The following PLEKHB2 variants were observed in gnomAD, a reference collection of about 807,000 sequenced individuals.
PLEKHB2 encodes pleckstrin homology domain-containing family B member 2.
Under a neutral mutation model 36.5 loss-of-function variants are expected in PLEKHB2, and 31 were observed. The ratio of observed to expected loss-of-function variants is 0.85; its 90% CI spans 0.64 to 1.15. The LOEUF is 1.15. Among genes scored for constraint, PLEKHB2 ranks in the 50% most tolerant of loss-of-function variants. The pLI, the probability that PLEKHB2 is intolerant of heterozygous loss-of-function variation, is 0.00. For missense variants in PLEKHB2, 262 were observed against 295.3 expected (o/e 0.89, Z 0.83); for synonymous variants, 119 against 112.0 (o/e 1.06, Z -0.39).
chr2:131,119,617 C>T (rs986112206), intron 1 of PLEKHB2, among the ~76,000 whole-genome samples: 13 of 152,208 alleles, frequency 8.5e-5, no homozygotes, highest in African/African-American at 3.1e-4. Context: ...GGTGAGATTG[C>T]TGGGGCAAAG....
At chr2:131,144,311 G>A (rs1006275815) in intron 7 of PLEKHB2, 11 of 434,010 alleles carry the variant, frequency 2.5e-5, no homozygotes, top group Admixed American at 4.4e-5. Flanking sequence ...GATTTAACCC[G>A]CTAGTGGGTG....
intron 1 of PLEKHB2, among the ~76,000 whole-genome samples, chr2:131,109,648 CCACTATACTCCAGCCTGGGCAA>C (rs1182361205): frequency 6.6e-6 from 1 of 152,036 alleles, no homozygotes; most frequent in African/African-American, 2.4e-5. Context: ...CAAGATCGCG[CCACTATACTCCAGCCTGGGCAA>C]CAAGAGCGAA....
At chr2:131,129,803 T>G (rs1319694111) in intron 4 of PLEKHB2, among the ~76,000 whole-genome samples, 1 of 150,254 alleles carries the variant, frequency 6.7e-6, no homozygotes, top group Non-Finnish European at 1.5e-5. Flanking sequence ...GCTTTTTGCC[T>G]ATGAATTAAG....
rs570296720 is a variant in PLEKHB2 at position 131,148,841 on chromosome 2, T to A, written c.*2068T>A. The A allele has an allele frequency of 2.0e-5, 3 of 152,340 alleles. No individual in the cohort carries two copies. The highest frequency in any genetic ancestry group is 6.8e-3 in the Middle Eastern group (2 of 294). The allele number at this position is 152,340 out of a possible 1,614,324, so 9.4% of individuals were successfully genotyped here. On this transcript the variant is annotated 3_prime_UTR_variant, in exon 8 of 8. Coordinates refer to ENST00000693505, the MANE Select transcript of PLEKHB2 (RefSeq NM_001100623.2). ...TATAAGAAGAATGGCTTTCTTCAGA[T>A]TATAATCGTTATTAAAGCTGTATGT... is the stretch of plus-strand genomic sequence containing the variant.
At position 131,146,662 on chromosome 2, in the gene PLEKHB2, C is replaced by T; in HGVS notation, c.558C>T (p.Asn186=). 1.2e-6 allele frequency: 2 copies of T among 1,613,504 alleles called. No individual in the cohort carries two copies. Among genetic ancestry groups the T allele is most frequent in the Middle Eastern group, 1.7e-4 (1 of 6,060 alleles). ...GACTTTATGGACAGCAGCCTGCTAA[C>T]CAAGTCATCATTCGAGAGCGCTATC... ...YAGLYGQQPA[N]QVIIRERYRD... is the part of the protein sequence containing the mutation. Residue 186 remains asparagine, a synonymous_variant, in exon 8 of 8, where the codon AAC becomes AAT. Coordinates refer to ENST00000693505, the MANE Select transcript of PLEKHB2 (RefSeq NM_001100623.2).
At chr2:131,119,687 C>T (rs1262792378) in intron 1 of PLEKHB2, among the ~76,000 whole-genome samples, 4 of 152,098 alleles carry the variant, frequency 2.6e-5, no homozygotes, top group Non-Finnish European at 5.9e-5. Flanking sequence ...AAGGTTGCAT[C>T]AGTTTTCTTT....
chr2:131,140,226 C>A lies in PLEKHB2; in HGVS notation c.483C>A (p.Tyr161Ter). 6.2e-7 allele frequency: 1 copy of A among 1,613,586 alleles called. No homozygotes were observed. Among genetic ancestry groups the A allele is most frequent in the Non-Finnish European group, 8.5e-7 (1 of 1,179,480 alleles). ...GAYPPGTQVV[Y>*]AANGQAYAVP... Reference sequence around the variant, plus strand: ...ACCCGCCAGGAACTCAAGTTGTCTACGCTGCGAATGGGCAGGCGTATGCCG... The same window carrying A: ...ACCCGCCAGGAACTCAAGTTGTCTAAGCTGCGAATGGGCAGGCGTATGCCG... Residue 161 changes from tyrosine to a stop codon, truncating the protein, a stop_gained, in exon 7 of 8, where the codon TAC becomes TAA. Transcript: ENST00000693505. LOFTEE classifies it high-confidence loss of function.
chr2:131,139,776 G>T (rs1422351521), intron 6 of PLEKHB2, among the ~76,000 whole-genome samples: 1 of 152,186 alleles, frequency 6.6e-6, no homozygotes, highest in East Asian at 1.9e-4. Flanking sequence ...GGCTGGCTTT[G>T]CCTGCAGAAT....
At chr2:131,117,119 A>C (rs1028434306) in intron 1 of PLEKHB2, among the ~76,000 whole-genome samples, 3 of 151,110 alleles carry the variant, frequency 2.0e-5, no homozygotes, top group African/African-American at 7.3e-5. Flanking sequence ...AACTCCGTCC[A>C]AAAAAAAAGA....
chr2:131,129,324 CAAAAAAAAAAAAAAA>C (rs1168039416), intron 4 of PLEKHB2, among the ~76,000 whole-genome samples: 44 of 49,980 alleles, frequency 8.8e-4, no homozygotes, highest in African/African-American at 2.6e-3. Flanking sequence ...GACTCCATCT[CAAAAAAAAAAAAAAA>C]AAAAAAAAAA....
In PLEKHB2 at chr2:131,105,381, C is replaced by T. The variant is rs1370581650; in HGVS notation, c.-26C>T. 5 of 152,348 alleles carry T rather than the reference C, an allele frequency of 3.3e-5. No homozygotes were observed. The highest frequency in any genetic ancestry group is 6.5e-5 in the Admixed American group (1 of 15,284). 9.4% of individuals were successfully genotyped at this position (152,348 alleles called of 1,614,324 possible). On this transcript the variant is annotated 5_prime_UTR_variant, in exon 1 of 8. Transcript: ENST00000693505. Reference sequence around the variant, plus strand: ...GGAATCGCCGTGGCGTCTTGGTGTTCTCCACGCTGGTTCGCAGGTGAGTGT... The same window carrying T: ...GGAATCGCCGTGGCGTCTTGGTGTTTTCCACGCTGGTTCGCAGGTGAGTGT...
At position 131,125,744 on chromosome 2, in the gene PLEKHB2, T is replaced by G; in HGVS notation, c.38-9T>G. The G allele has an allele frequency of 2.5e-6, 4 of 1,585,274 alleles. No individual in the cohort carries two copies. The highest frequency in any genetic ancestry group is 3.4e-6 in the Non-Finnish European group (4 of 1,170,598). On this transcript the variant is annotated splice_polypyrimidine_tract_variant and intron_variant, in intron 2 of 7. Coordinates refer to ENST00000693505, the MANE Select transcript of PLEKHB2 (RefSeq NM_001100623.2). ...AAAAAAAAACAACCGTACTATTTTTTTTTTCCAGGTACTATTTTGAAGCGC... is the reference window on the plus strand; with the variant it reads ...AAAAAAAAACAACCGTACTATTTTTGTTTTCCAGGTACTATTTTGAAGCGC...
intron 5 of PLEKHB2, among the ~76,000 whole-genome samples, chr2:131,132,046 C>T (rs1697760698): frequency 6.6e-6 from 1 of 152,074 alleles, no homozygotes; most frequent in African/African-American, 2.4e-5. Flanking sequence ...GTTGGTCAGG[C>T]TGGTCTCAAC....
rs760199434 is a variant in PLEKHB2 at position 131,140,283 on chromosome 2, A to G, written c.532+8A>G. ...ACCAGTACCCATATGCAGGTAACTC[A>G]CGCCGGCCTTTCATTCCTCATTTCT... On this transcript the variant is annotated splice_region_variant and intron_variant, in intron 7 of 7. Coordinates refer to ENST00000693505, the MANE Select transcript of PLEKHB2 (RefSeq NM_001100623.2). 1 of 1,463,666 alleles carries G rather than the reference A, an allele frequency of 6.8e-7. No homozygotes were observed. The highest frequency in any genetic ancestry group is 9.6e-7 in the Non-Finnish European group (1 of 1,046,198). The allele number at this position is 1,463,666 out of a possible 1,614,324, so 90.7% of individuals were successfully genotyped here. A position where few individuals can be genotyped will look rare whatever the true frequency, so the allele number is the denominator to read the frequency against.
At chr2:131,133,172 C>T (rs1203804843) in intron 6 of PLEKHB2, among the ~76,000 whole-genome samples, 181 bp downstream of exon 6, 1 of 152,284 alleles carries the variant, frequency 6.6e-6, no homozygotes, top group East Asian at 1.9e-4. Flanking sequence ...TAGTTCAGCA[C>T]ATTATAATGT....
intron 7 of PLEKHB2, among the ~76,000 whole-genome samples, chr2:131,144,737 C>G (rs1699115565): frequency 6.6e-6 from 1 of 152,212 alleles, no homozygotes; most frequent in East Asian, 1.9e-4. Context: ...AGGAGCAGAG[C>G]TCAGCAGGAG....
intron 7 of PLEKHB2, among the ~76,000 whole-genome samples, chr2:131,143,215 A>C (rs577010320): frequency 2.6e-5 from 4 of 152,210 alleles, no homozygotes; most frequent in Admixed American, 1.3e-4. Flanking sequence ...GATGTTTTCA[A>C]CTTATGATGG....
chr2:131,116,419 G>A (rs965834017), intron 1 of PLEKHB2, among the ~76,000 whole-genome samples: 3 of 152,158 alleles, frequency 2.0e-5, no homozygotes, highest in Non-Finnish European at 4.4e-5. Flanking sequence ...ACCTGAGACC[G>A]GGTAATTTAT....
chr2:131,126,825 T>G (rs770680156), intron 4 of PLEKHB2, 39 bp downstream of exon 4: 1 of 1,194,116 alleles, frequency 8.4e-7, no homozygotes, highest in East Asian at 2.4e-5. Context: ...TTAAAAAGTA[T>G]TTTCTATTTT....
Sources: allele counts gnomAD v4.1 joint callset (sites outside exome capture counted in the v4.1 genomes callset), GRCh38; gene constraint gnomAD v4.1.1; transcripts MANE v1.5; gene names NCBI Gene and HGNC (gene_info 2026-07-23, HGNC 2026-07-21).